CMKLR1: variants seen among roughly 807,000 people sequenced by gnomAD.
CMKLR1 encodes the protein chemerin-like receptor 1.
A neutral mutation model predicts 8.2 loss-of-function variants in CMKLR1; 6 were observed. The ratio of observed to expected loss-of-function variants is 0.73; its 90% CI spans 0.40 to 1.44. The LOEUF (loss-of-function observed/expected upper bound fraction) is 1.44, where lower values mean the gene tolerates loss of function less well. Among genes scored for constraint, CMKLR1 ranks in the 40% most tolerant of loss-of-function variants. CMKLR1 has a pLI of 0.02. For missense variants in CMKLR1, 429 were observed against 478.0 expected (o/e 0.90, Z 0.96); for synonymous variants, 178 against 181.2 (o/e 0.98, Z 0.14).
chr12:108,324,744 G>T (rs139794921), intron 2 of CMKLR1, among the ~76,000 whole-genome samples: 1 of 152,172 alleles, frequency 6.6e-6, no homozygotes, highest in Non-Finnish European at 1.5e-5. Context: ...AAGGGAAAGA[G>T]ATCCTATTCC....
chr12:108,298,457 T>C (rs1360432062), intron 2 of CMKLR1, among the ~76,000 whole-genome samples: 1 of 152,198 alleles, frequency 6.6e-6, no homozygotes, highest in African/African-American at 2.4e-5. Flanking sequence ...AGTCTTGCTC[T>C]TCACCACACT....
In CMKLR1 at chr12:108,335,059, T is replaced by G. The variant is rs1048799912; in HGVS notation, c.-287+3968A>C. Among the ~76,000 whole-genome samples the G allele has an allele frequency of 8.2e-4, 124 of 152,042 alleles. 3 individuals are homozygous for G. The highest frequency in any genetic ancestry group is 2.2e-4 in the Non-Finnish European group (15 of 67,996). On this transcript the variant is annotated intron_variant, in intron 1 of 3. Transcript: ENST00000550402. Reference sequence around the variant, plus strand: ...CCTTGAGGATAGGTGATGTTGTGAGTCCAACATCACCATGTTAACTAAGAT... The same window carrying G: ...CCTTGAGGATAGGTGATGTTGTGAGGCCAACATCACCATGTTAACTAAGAT...
At chr12:108,311,290 G>GTATGTGTC (rs1208067105) in intron 2 of CMKLR1, among the ~76,000 whole-genome samples, 2 of 152,100 alleles carry the variant, frequency 1.3e-5, no homozygotes, top group Admixed American at 1.3e-4. Flanking sequence ...ATGAATGTGT[G>GTATGTGTC]TATGTGTGCG....
chr12:108,308,789 T>A (rs1454788973), intron 2 of CMKLR1, among the ~76,000 whole-genome samples: 1 of 152,200 alleles, frequency 6.6e-6, no homozygotes, highest in African/African-American at 2.4e-5. Context: ...TCCAGTCCTC[T>A]AATCCTCCTG....
Position 108,292,693 on chromosome 12 carries a change from G to T in CMKLR1, c.270C>A (p.Val90=), listed in dbSNP as rs778362252. The change falls in exon 4 of 4, where the codon GTC becomes GTA. Residue 90 remains valine (V), a synonymous_variant. Coordinates refer to ENST00000550402, the MANE Select transcript of CMKLR1 (RefSeq NM_001142343.2). ...NLAVADFLFN[V]FLPIHITYAA... Reference sequence around the variant, plus strand: ...CATAGGTGATATGGATTGGGAGGAAGACGTTGAACAGGAAATCTGCCACTG... The same window carrying T: ...CATAGGTGATATGGATTGGGAGGAATACGTTGAACAGGAAATCTGCCACTG... 4 of 1,614,028 alleles carry T rather than the reference G, an allele frequency of 2.5e-6. No homozygotes were observed. Among genetic ancestry groups the T allele is most frequent in the Middle Eastern group, 1.6e-4 (1 of 6,084 alleles).
chr12:108,331,445 C>G (rs1226494064), intron 1 of CMKLR1, among the ~76,000 whole-genome samples: 2 of 46,966 alleles, frequency 4.3e-5, no homozygotes, highest in Admixed American at 6.2e-4. Flanking sequence ...TCTGCTGAAC[C>G]AACTGTCAAT....
chr12:108,321,831 T>C (rs181825268), intron 2 of CMKLR1, among the ~76,000 whole-genome samples: 11 of 152,294 alleles, frequency 7.2e-5, no homozygotes, highest in Non-Finnish European at 1.3e-4. Flanking sequence ...TGAGCACATA[T>C]GGTGATACAG....
At chr12:108,323,700 G>A (rs76274813) in intron 2 of CMKLR1, among the ~76,000 whole-genome samples, 2,093 of 152,094 alleles carry the variant, frequency 0.014, 25 homozygotes, top group Non-Finnish European at 0.02. Flanking sequence ...TAGGACTTGG[G>A]GTGCAGTCCC....
chr12:108,293,460 T>G, intron 3 of CMKLR1, 129 bp downstream of exon 3: 1 of 887,452 alleles, frequency 1.1e-6, no homozygotes, highest in East Asian at 2.6e-5. Flanking sequence ...AAGAGGTACA[T>G]GGTGCTGTGA....
rs1415546283 is a variant in CMKLR1, at chr12:108,302,086, C to A, written c.-73-8422G>T. Among the ~76,000 whole-genome samples the A allele has an allele frequency of 2.0e-5, 3 of 152,178 alleles. No individual in the cohort carries two copies. In the East Asian group the frequency reaches 5.8e-4, roughly 29 times the overall value. ...CCAAAAAACAGCGACCCTGACAGGA[C>A]AATGGGCAAATGATAGGAACAGGCA... On this transcript the variant is annotated intron_variant, in intron 2 of 3. Transcript: ENST00000550402.
chr12:108,326,172 A>G (rs529849471), intron 2 of CMKLR1, among the ~76,000 whole-genome samples: 5 of 152,312 alleles, frequency 3.3e-5, no homozygotes, highest in African/African-American at 7.2e-5. Flanking sequence ...GGAGGTGCAA[A>G]TAAGTTGGAA....
intron 2 of CMKLR1, among the ~76,000 whole-genome samples, chr12:108,316,941 A>G (rs1260342322): frequency 1.6e-4 from 24 of 151,880 alleles, no homozygotes. Flanking sequence ...TAGGACTACT[A>G]CAGGCATACA....
intron 2 of CMKLR1, among the ~76,000 whole-genome samples, chr12:108,298,061 G>C (rs1229670355): frequency 6.6e-6 from 1 of 152,164 alleles, no homozygotes; most frequent in Non-Finnish European, 1.5e-5. Flanking sequence ...GAACTGGGTT[G>C]CTTTCTCGTT....
chr12:108,295,680 G>A (rs972295794), intron 2 of CMKLR1, among the ~76,000 whole-genome samples: 3 of 152,224 alleles, frequency 2.0e-5, no homozygotes, highest in Admixed American at 1.3e-4. Flanking sequence ...GAGAAAGGAG[G>A]AAGGGCACGC....
At chr12:108,317,425 G>A (rs1891761137) in intron 2 of CMKLR1, among the ~76,000 whole-genome samples, 1 of 152,196 alleles carries the variant, frequency 6.6e-6, no homozygotes, top group South Asian at 2.1e-4. Context: ...GAGGCCACCA[G>A]GAGTGCATCA....
At chr12:108,306,140 T>C (rs1163506450) in intron 2 of CMKLR1, among the ~76,000 whole-genome samples, 1 of 152,244 alleles carries the variant, frequency 6.6e-6, no homozygotes, top group African/African-American at 2.4e-5. Context: ...GTTTGCCCTC[T>C]GACCTCTGGT....
At chr12:108,294,277 T>C (rs1891069801) in intron 2 of CMKLR1, among the ~76,000 whole-genome samples, 2 of 152,226 alleles carry the variant, frequency 1.3e-5, no homozygotes, top group South Asian at 4.1e-4. Context: ...ATGCAGGCTC[T>C]GAAGCCACAG....
intron 2 of CMKLR1, among the ~76,000 whole-genome samples, chr12:108,323,817 C>A (rs571572396): frequency 6.6e-6 from 1 of 152,188 alleles, no homozygotes; most frequent in African/African-American, 2.4e-5. Context: ...GAAATGAGTT[C>A]TTTGATCATT....
intron 2 of CMKLR1, among the ~76,000 whole-genome samples, chr12:108,301,505 C>T (rs1244307179): frequency 1.3e-5 from 2 of 152,196 alleles, no homozygotes; most frequent in Non-Finnish European, 1.5e-5. Flanking sequence ...CAAAAAAGCC[C>T]TACTATGTAA....
Sources: allele counts gnomAD v4.1 joint callset (sites outside exome capture counted in the v4.1 genomes callset), GRCh38; gene constraint gnomAD v4.1.1; transcripts MANE v1.5; gene names NCBI Gene and HGNC (gene_info 2026-07-23, HGNC 2026-07-21).